The following NTM variants were observed in gnomAD, a reference collection of about 807,000 sequenced individuals.
NTM encodes the protein neurotrimin, also known as IgLON family member 2.
A neutral mutation model predicts 42.1 loss-of-function variants in NTM; 13 were observed. That is an observed-to-expected ratio of 0.31 (90% CI 0.20 to 0.49). NTM has a LOEUF of 0.49. Ranked by LOEUF, NTM falls within the 20% of genes least tolerant of loss-of-function variation. The probability of loss-of-function intolerance (pLI) is 0.99; values close to 1 mark genes in which losing one functional copy is unlikely to be tolerated. For missense variants in NTM, 373 were observed against 452.8 expected (o/e 0.82, Z 1.60); for synonymous variants, 187 against 179.2 (o/e 1.04, Z -0.35).
chr11:131,535,883 G>C (rs1179230239), intron 1 of NTM: 1 of 152,206 alleles, frequency 6.6e-6, no homozygotes, highest in East Asian at 1.9e-4. Context: ...CTGACTTACT[G>C]TGTTGCCACT....
At chr11:132,304,505 C>T (rs566544333) in intron 4 of NTM, among the ~76,000 whole-genome samples, 17 of 151,906 alleles carry the variant, frequency 1.1e-4, no homozygotes, top group South Asian at 2.1e-4. Flanking sequence ...TGCTTTTAAA[C>T]GAAACTTTTC....
At chr11:131,475,992 A>G (rs764716695) in intron 1 of NTM, among the ~76,000 whole-genome samples, 2 of 152,102 alleles carry the variant, frequency 1.3e-5, no homozygotes, top group African/African-American at 2.4e-5. Context: ...CTTGGCAGGT[A>G]CTCAGGATAA....
Position 131,802,155 on chromosome 11 carries a change from C to T in NTM, c.83-109409C>T, listed in dbSNP as rs1053853353. ...TCTTTCAACTGACAATAAAAGACTCCTAAATTAGAGAATCATAGACATTTA... is the reference window on the plus strand; with the variant it reads ...TCTTTCAACTGACAATAAAAGACTCTTAAATTAGAGAATCATAGACATTTA... On this transcript the variant is annotated intron_variant, in intron 1 of 8. Coordinates refer to ENST00000683400, the MANE Select transcript of NTM (RefSeq NM_001352005.2). Among the ~76,000 whole-genome samples, 4 of 152,264 alleles carry T rather than the reference C, an allele frequency of 2.6e-5. No individual in the cohort carries two copies. The East Asian group carries it at 7.7e-4, about 29-fold the overall frequency.
chr11:131,962,232 G>A (rs1189665605), intron 2 of NTM, among the ~76,000 whole-genome samples: 1 of 152,170 alleles, frequency 6.6e-6, no homozygotes, highest in Non-Finnish European at 1.5e-5. Context: ...TGAGGTCAGA[G>A]TAGAGGGGGT....
At chr11:132,260,246 A>G (rs2092762900) in intron 4 of NTM, among the ~76,000 whole-genome samples, 1 of 133,786 alleles carries the variant, frequency 7.5e-6, no homozygotes. Flanking sequence ...AATCTAAAAA[A>G]TCACCCAGCC....
At position 131,923,551 on chromosome 11, in the gene NTM, A is replaced by T. The variant is rs1317892579; in HGVS notation, c.167+11903A>T. 3.3e-5 allele frequency among the ~76,000 whole-genome samples: 5 copies of T among 151,204 alleles called. No individual in the cohort carries two copies. In the East Asian group the frequency reaches 9.7e-4, roughly 29 times the overall value. ...GGAGGAAATTGTCAGGCAATGTGAC[A>T]CACTTCATAAAATCTACACATGTGG... On this transcript the variant is annotated intron_variant, in intron 2 of 8. Transcript: ENST00000683400.
At chr11:132,322,877 A>G (rs1241720345) in intron 7 of NTM, among the ~76,000 whole-genome samples, 1 of 142,902 alleles carries the variant, frequency 7.0e-6, no homozygotes, top group Non-Finnish European at 1.6e-5. Context: ...TAAGAATCTC[A>G]CTCAAAACCA....
intron 1 of NTM, chr11:131,794,937 G>A (rs1004870980): frequency 2.0e-6 from 2 of 985,198 alleles, no homozygotes; most frequent in African/African-American, 3.5e-5. Flanking sequence ...TGGAGTTAGG[G>A]GAACCTGAAC....
intron 7 of NTM, chr11:132,317,717 TG>T: frequency 7.7e-7 from 1 of 1,291,902 alleles, no homozygotes; most frequent in Non-Finnish European, 1.0e-6. Context: ...CTTTATGTTT[TG>T]TCTCCCCTTC....
intron 1 of NTM, among the ~76,000 whole-genome samples, chr11:131,693,692 C>A (rs2075076517): frequency 6.6e-6 from 1 of 152,196 alleles, no homozygotes; most frequent in African/African-American, 2.4e-5. Flanking sequence ...CCACCCAAAT[C>A]CTATGTATAT....
intron 1 of NTM, among the ~76,000 whole-genome samples, chr11:131,572,505 G>T (rs1249396317): frequency 6.6e-6 from 1 of 152,064 alleles, no homozygotes; most frequent in African/African-American, 2.4e-5. Context: ...TCCTTTACCT[G>T]GCTATGCCTT....
chr11:131,522,713 A>T (rs774498495), intron 1 of NTM, among the ~76,000 whole-genome samples: 16 of 152,350 alleles, frequency 1.1e-4, no homozygotes, highest in Non-Finnish European at 1.8e-4. Flanking sequence ...AAGTGTCCAA[A>T]ACCCTGACTC....
At chr11:131,926,499 A>T (rs2057974446) in intron 2 of NTM, among the ~76,000 whole-genome samples, 1 of 151,968 alleles carries the variant, frequency 6.6e-6, no homozygotes, top group African/African-American at 2.4e-5. Context: ...GGCAAGTGGA[A>T]TGACCTAGTC....
At chr11:131,967,379 G>A (rs983637601) in intron 2 of NTM, among the ~76,000 whole-genome samples, 1 of 152,194 alleles carries the variant, frequency 6.6e-6, no homozygotes, top group Admixed American at 6.5e-5. Context: ...TTGGAGGATA[G>A]GCATATCACG....
intron 1 of NTM, among the ~76,000 whole-genome samples, chr11:131,438,886 C>A (rs1423959325): frequency 1.3e-5 from 2 of 152,192 alleles, no homozygotes; most frequent in African/African-American, 4.8e-5. Context: ...GAATTTTTAG[C>A]TTTTCTGCTC....
chr11:131,787,367 A>ATTATTATTATTC (rs1255213368), intron 1 of NTM, among the ~76,000 whole-genome samples: 2 of 147,522 alleles, frequency 1.4e-5, no homozygotes, highest in Non-Finnish European at 3.0e-5. Flanking sequence ...TATTATTATT[A>ATTATTATTATTC]TTATTATTAT....
In NTM at chr11:131,891,653, G is replaced by A. The variant is rs114261286; in HGVS notation, c.83-19911G>A. Among the ~76,000 whole-genome samples, 414 of 152,248 alleles carry A rather than the reference G, an allele frequency of 2.7e-3. 2 individuals are homozygous for A. The highest frequency in any genetic ancestry group is 9.4e-3 in the African/African-American group (392 of 41,550). ...GAAAGCACCCCACAGGGCTCTCTGCGGTGGGAGTTGTGTCACTGGTCCTTG... is the reference window on the plus strand; with the variant it reads ...GAAAGCACCCCACAGGGCTCTCTGCAGTGGGAGTTGTGTCACTGGTCCTTG... On this transcript the variant is annotated intron_variant, in intron 1 of 8. Transcript: ENST00000683400.
intron 2 of NTM, among the ~76,000 whole-genome samples, chr11:132,088,381 A>G (rs1479598016): frequency 6.6e-6 from 1 of 152,156 alleles, no homozygotes; most frequent in Non-Finnish European, 1.5e-5. Flanking sequence ...GGCCACCAAA[A>G]TGATGCAGGA....
intron 2 of NTM, among the ~76,000 whole-genome samples, chr11:132,017,828 A>G (rs1391238420): frequency 6.6e-6 from 1 of 151,926 alleles, no homozygotes; most frequent in Non-Finnish European, 1.5e-5. Flanking sequence ...TTCACTACAC[A>G]GTATTATGTA....
Sources: gnomAD v4.1 joint callset for allele counts (sites outside exome capture counted in the v4.1 genomes callset) on GRCh38, gnomAD v4.1.1 for gene constraint, MANE v1.5 for transcripts, NCBI Gene and HGNC (gene_info 2026-07-23, HGNC 2026-07-21) for gene names.